Variants in UGT2B11 observed in about 807,000 individuals in gnomAD.
The protein encoded by UGT2B11 is UDP-glucuronosyltransferase 2B11.
UGT2B11 carries 49 observed loss-of-function variants against 51.7 expected under a neutral mutation model. The ratio of observed to expected loss-of-function variants is 0.95; its 90% CI spans 0.75 to 1.20. The LOEUF is 1.20. Among genes scored for constraint, UGT2B11 ranks in the 50% most tolerant of loss-of-function variants. The pLI is 0.00. For synonymous variants in UGT2B11, 273 were observed against 209.0 expected (o/e 1.31, Z -2.64); for missense variants, 810 against 622.1 (o/e 1.30, Z -3.21).
intron 1 of UGT2B11, among the ~76,000 whole-genome samples, chr4:69,213,208 C>T (rs1457498632): frequency 6.6e-6 from 1 of 151,490 alleles, no homozygotes; most frequent in Non-Finnish European, 1.5e-5. Context: ...ATCCTGGTAC[C>T]AACTATTCAT....
At chr4:69,212,195 G>C (rs1258882655) in intron 2 of UGT2B11, among the ~76,000 whole-genome samples, 2 of 151,518 alleles carry the variant, frequency 1.3e-5, no homozygotes. Flanking sequence ...TAGAATGTAA[G>C]GTATGTGGGG....
chr4:69,221,909 C>G, the UGT2B11 span, among the ~76,000 whole-genome samples: 1 of 152,382 alleles, frequency 6.6e-6, no homozygotes, highest in South Asian at 2.1e-4. Context: ...AGAGGTCCTT[C>G]ATCCTCTGGG....
At chr4:69,220,234 G>A in the UGT2B11 span, among the ~76,000 whole-genome samples, 4 of 137,722 alleles carry the variant, frequency 2.9e-5, no homozygotes, top group African/African-American at 8.3e-5. Flanking sequence ...TGATATAAGC[G>A]GTGGGATTCC....
chr4:69,217,999 C>G (rs4280807), upstream of UGT2B11, among the ~76,000 whole-genome samples: 6 of 151,990 alleles, frequency 3.9e-5, no homozygotes, highest in Non-Finnish European at 8.8e-5. Context: ...TAAACACCTC[C>G]TAAAAGGTTC....
chr4:69,221,644 G>A, the UGT2B11 span, among the ~76,000 whole-genome samples: 3 of 152,250 alleles, frequency 2.0e-5, no homozygotes, highest in Non-Finnish European at 4.4e-5. Flanking sequence ...CCCAATTGCA[G>A]CTGAGGAGAC....
intron 5 of UGT2B11, among the ~76,000 whole-genome samples, chr4:69,202,075 C>A (rs779865503): frequency 3.3e-5 from 5 of 151,736 alleles, no homozygotes; most frequent in Non-Finnish European, 7.4e-5. Flanking sequence ...ATAATACGTA[C>A]TCAAAAGTGT....
upstream of UGT2B11, among the ~76,000 whole-genome samples, chr4:69,217,563 A>T (rs1345059055): frequency 6.6e-6 from 1 of 152,068 alleles, no homozygotes; most frequent in Admixed American, 6.6e-5. Flanking sequence ...TCTGTCTCAG[A>T]ACAGCACTGC....
intron 3 of UGT2B11, among the ~76,000 whole-genome samples, chr4:69,207,107 C>G (rs953599623): frequency 2.0e-5 from 3 of 151,324 alleles, no homozygotes; most frequent in Non-Finnish European, 4.4e-5. Flanking sequence ...CTTTTGGTAT[C>G]ATGAATAAAA....
At chr4:69,220,929 A>G in the UGT2B11 span, among the ~76,000 whole-genome samples, 11 of 152,178 alleles carry the variant, frequency 7.2e-5, no homozygotes, top group African/African-American at 2.7e-4. Context: ...AGCTAATTCC[A>G]TGTCATCATT....
At chr4:69,217,422 A>G (rs1336676446), upstream of UGT2B11, among the ~76,000 whole-genome samples, 2 of 152,122 alleles carry the variant, frequency 1.3e-5, no homozygotes, top group African/African-American at 2.4e-5. Context: ...CAGAGTGGCA[A>G]TATTGTTCAA....
rs140000959 is a variant in UGT2B11 at position 69,214,026 on chromosome 4, C to T, written c.697G>A (p.Asp233Asn). The T allele has an allele frequency of 1.9e-6, 3 of 1,590,910 alleles. No individual in the cohort carries two copies. Among genetic ancestry groups the T allele is most frequent in the Middle Eastern group, 1.7e-4 (1 of 5,944 alleles). Residue 233 changes from aspartate to asparagine, a missense_variant, in exon 1 of 6, where the codon GAT (aspartate) becomes AAT (asparagine). Asp to Asn is a conservative substitution (Grantham distance 23, BLOSUM62 1). Transcript: ENST00000446444. ...CCTAAAACTTCACTGTAAAACTGAT[C>T]CCACTTCTTCATATCAGACATTTGG... ...WFQMSDMKKWDQFYSEVLGRP... is the reference protein window; with the variant it reads ...WFQMSDMKKWNQFYSEVLGRP...
At chr4:69,217,433 T>C (rs1722302194), upstream of UGT2B11, among the ~76,000 whole-genome samples, 1 of 152,148 alleles carries the variant, frequency 6.6e-6, no homozygotes, top group Non-Finnish European at 1.5e-5. Context: ...TATTGTTCAA[T>C]ATTTTTAATG....
chr4:69,213,823 G>C (rs1722161927), intron 1 of UGT2B11, among the ~76,000 whole-genome samples, 179 bp downstream of exon 1: 1 of 151,786 alleles, frequency 6.6e-6, no homozygotes, highest in South Asian at 2.1e-4. Context: ...GGTTTTAACA[G>C]ACCTTATAAT....
At chr4:69,209,918 T>G (rs976662169) in intron 2 of UGT2B11, among the ~76,000 whole-genome samples, 4 of 151,668 alleles carry the variant, frequency 2.6e-5, no homozygotes, top group African/African-American at 9.7e-5. Context: ...AGAAATTGTA[T>G]AAAAGTATGA....
chr4:69,218,971 T>A (rs1722340647), upstream of UGT2B11, among the ~76,000 whole-genome samples: 1 of 152,082 alleles, frequency 6.6e-6, no homozygotes, highest in Admixed American at 6.6e-5. Context: ...GAGGGAGCTG[T>A]CTACTATTCC....
At chr4:69,211,716 G>A (rs1013079108) in intron 2 of UGT2B11, among the ~76,000 whole-genome samples, 4 of 151,452 alleles carry the variant, frequency 2.6e-5, no homozygotes, top group Non-Finnish European at 5.9e-5. Flanking sequence ...TCTGTTACCT[G>A]AATCCATGGA....
At chr4:69,203,639 T>C (rs1263741794) in intron 5 of UGT2B11, among the ~76,000 whole-genome samples, 1 of 151,584 alleles carries the variant, frequency 6.6e-6, no homozygotes, top group Non-Finnish European at 1.5e-5. Flanking sequence ...CTATAAAATA[T>C]TACACAAGTG....
chr4:69,210,264 G>T (rs569667685), intron 2 of UGT2B11, among the ~76,000 whole-genome samples: 3 of 151,482 alleles, frequency 2.0e-5, no homozygotes, highest in African/African-American at 7.2e-5. Context: ...TGTTAATTTT[G>T]TGAATATTTT....
At position 69,212,678 on chromosome 4, in the gene UGT2B11, T is replaced by A. The variant is rs1444641488; in HGVS notation, c.765A>T (p.Ile255=). ...TLFETMGKAD[I]WLMRNSWSFQ... is the part of the protein sequence containing the mutation. ...AACTCCAGGAGTTTCGCATAAGCCA[T>A]ATGTCAGCTTTTCCCATTGTCTCAA... is the stretch of plus-strand genomic sequence containing the variant. Residue 255 remains isoleucine, a synonymous_variant, in exon 2 of 6, where the codon ATA becomes ATT. Transcript: ENST00000446444. The A allele has an allele frequency of 6.2e-7, 1 of 1,609,930 alleles. No individual in the cohort carries two copies. The highest frequency in any genetic ancestry group is 1.7e-5 in the Admixed American group (1 of 59,642).
Sources: gnomAD v4.1 joint callset for allele counts (sites outside exome capture counted in the v4.1 genomes callset) on GRCh38, gnomAD v4.1.1 for gene constraint, MANE v1.5 for transcripts, NCBI Gene and HGNC (gene_info 2026-07-23, HGNC 2026-07-21) for gene names.